KIR3DL1: variants seen among roughly 807,000 people sequenced by gnomAD.
KIR3DL1 encodes killer cell immunoglobulin like receptor, three Ig domains and long cytoplasmic tail 1.
In KIR3DL1, 50 loss-of-function variants were observed where a neutral mutation model predicts 40.3. The observed-to-expected ratio is 1.24, with a 90% CI of 0.99 to 1.57. The LOEUF (loss-of-function observed/expected upper bound fraction) is 1.57, where lower values mean the gene tolerates loss of function less well. Among genes scored for constraint, KIR3DL1 ranks in the 40% most tolerant of loss-of-function variants. KIR3DL1 has a pLI of 0.00. For synonymous variants in KIR3DL1, 257 were observed against 207.2 expected (o/e 1.24, Z -2.07); for missense variants, 661 against 559.9 (o/e 1.18, Z -1.82).
intron 3 of KIR3DL1, among the ~76,000 whole-genome samples, chr19:54,819,025 T>A (rs1601322140): frequency 6.6e-6 from 1 of 150,766 alleles, no homozygotes; most frequent in Non-Finnish European, 1.5e-5. Flanking sequence ...GGAAGACCAC[T>A]AGTCACAGAA....
Position 54,816,908 on chromosome 19 carries a change from T to TTATGGGCCTGCAGTAGAGA in KIR3DL1, c.34+385_34+403dup, listed in dbSNP as rs2061370492. Reference sequence around the variant, plus strand: ...TGGAGATATGGGCCTGGAGGTGGAGTTATGGGCCTGCAGTAGAGATATGGG... The same window carrying TTATGGGCCTGCAGTAGAGA: ...TGGAGATATGGGCCTGGAGGTGGAGTTATGGGCCTGCAGTAGAGATATGGGCCTGCAGTAGAGATATGGG... On this transcript the variant is annotated intron_variant, in intron 1 of 8. Transcript: ENST00000391728. 8.1e-5 allele frequency among the ~76,000 whole-genome samples: 9 copies of TTATGGGCCTGCAGTAGAGA among 110,906 alleles called. No individual in the cohort carries two copies. The Admixed American group carries it at 8.3e-4, about 10-fold the overall frequency. The allele number at this position is 110,906 out of a possible 152,430, so 72.8% of individuals were successfully genotyped here.
rs533601653 is a variant in KIR3DL1, at chr19:54,823,205, T to C, written c.949+1347T>C. Reference sequence around the variant, plus strand: ...GCACGCCACCATGCCTGGCTAATTTTTGTATTTTTTTAGCACAGACGGGAT... The same window carrying C: ...GCACGCCACCATGCCTGGCTAATTTCTGTATTTTTTTAGCACAGACGGGAT... On this transcript the variant is annotated intron_variant, in intron 5 of 8. Transcript: ENST00000391728. 2.6e-4 allele frequency among the ~76,000 whole-genome samples: 39 copies of C among 150,938 alleles called. 2 individuals are homozygous for C. The highest frequency in any genetic ancestry group is 9.1e-4 in the African/African-American group (37 of 40,722).
rs1268076823 is a variant in KIR3DL1, at chr19:54,829,490, G to T, written c.1105+25G>T. ...AGTAAGTCTCACGGGGCACAGGCCA[G>T]AGAGCTCAGGGCCATGTGGGGAAGC... On this transcript the variant is annotated intron_variant, in intron 7 of 8. Coordinates refer to ENST00000391728, the Ensembl canonical transcript of KIR3DL1. 2.1e-6 allele frequency: 3 copies of T among 1,411,468 alleles called. 1 individual carries two copies. The African/African-American group carries it at 4.3e-5, about 20-fold the overall frequency. The allele number at this position is 1,411,468 out of a possible 1,614,324, so 87.4% of individuals were successfully genotyped here.
intron 5 of KIR3DL1, among the ~76,000 whole-genome samples, chr19:54,822,603 G>A (rs2061694315): frequency 6.6e-6 from 1 of 150,686 alleles, no homozygotes; most frequent in African/African-American, 2.5e-5. Flanking sequence ...ACTGCAGCCT[G>A]GGAGACAGAG....
intron 1 of KIR3DL1, 63 bp downstream of exon 1, chr19:54,816,597 A>T: frequency 6.7e-7 from 1 of 1,483,928 alleles, no homozygotes; most frequent in Non-Finnish European, 9.2e-7. Flanking sequence ...CTGGAGGTAA[A>T]GATATGGGCC....
Position 54,829,355 on chromosome 19 carries a change from T to G in KIR3DL1, c.1001-6T>G, listed in dbSNP as rs780228628. On this transcript the variant is annotated splice_region_variant and splice_polypyrimidine_tract_variant and intron_variant, in intron 6 of 8. Transcript: ENST00000391728. ...AGCTTCTTACTGGTGTCTCCTCTTC[T>G]TCCAGGTAACCCCAGACACCTGCAC... 25 of 1,470,456 alleles carry G rather than the reference T, an allele frequency of 1.7e-5. 2 individuals are homozygous for G. The East Asian group carries it at 5.8e-4, about 34-fold the overall frequency. The allele number at this position is 1,470,456 out of a possible 1,614,324, so 91.1% of individuals were successfully genotyped here. A position where few individuals can be genotyped will look rare whatever the true frequency, so the allele number is the denominator to read the frequency against.
intron 1 of KIR3DL1, among the ~76,000 whole-genome samples, chr19:54,816,815 G>GAT (rs2061362997): frequency 1.1e-4 from 14 of 130,788 alleles, no homozygotes; most frequent in South Asian, 2.7e-4. Flanking sequence ...GGGAGATATG[G>GAT]GCCTGGAGGG....
chr19:54,818,437 A>G (rs149123986), exon 3 of KIR3DL1: 243,188 of 1,607,036 alleles, frequency 0.15, 22,762 homozygotes, highest in Non-Finnish European at 0.17. Flanking sequence ...CAAAGAAGAC[A>G]GAATCCACAT....
chr19:54,818,514 A>C (rs2061468581), exon 3 of KIR3DL1: 1 of 1,611,488 alleles, frequency 6.2e-7, no homozygotes, highest in Non-Finnish European at 8.5e-7. Flanking sequence ...CAGCACATGC[A>C]GGGAACTACA....
At chr19:54,816,582 T>C in intron 1 of KIR3DL1, 48 bp downstream of exon 1, 3 of 1,398,802 alleles carry the variant, frequency 2.1e-6, no homozygotes, top group African/African-American at 3.1e-5. Flanking sequence ...GATGGAGATC[T>C]GGACCTGGAG....
At chr19:54,821,447 TGAGA>T (rs765148884) in intron 4 of KIR3DL1, 114 bp from the exon 5 acceptor site, 689 of 1,107,892 alleles carry the variant, frequency 6.2e-4, no homozygotes, top group South Asian at 6.9e-4. Flanking sequence ...GGGTGGAGGG[TGAGA>T]GAGAGAGAGA....
intron 5 of KIR3DL1, 64 bp from the exon 6 acceptor site, chr19:54,824,964 G>T (rs2061807700): frequency 8.7e-7 from 1 of 1,155,784 alleles, no homozygotes; most frequent in South Asian, 1.2e-5. Context: ...CAACCTCAAA[G>T]ATTTCCATTG....
At chr19:54,818,028 A>G (rs1427828637) in intron 2 of KIR3DL1, among the ~76,000 whole-genome samples, 1 of 148,826 alleles carries the variant, frequency 6.7e-6, no homozygotes, top group Non-Finnish European at 1.5e-5. Context: ...CCATTCACAT[A>G]GGACTTGCCC....
chr19:54,817,624 T>C (rs554009579), intron 2 of KIR3DL1, 55 bp downstream of exon 2: 53 of 1,394,968 alleles, frequency 3.8e-5, no homozygotes, highest in Admixed American at 5.6e-5. Context: ...AGGATTTTCC[T>C]GAAATGGGAG....
intron 4 of KIR3DL1, among the ~76,000 whole-genome samples, chr19:54,821,011 A>C (rs921641104): frequency 1.3e-5 from 2 of 150,696 alleles, no homozygotes; most frequent in African/African-American, 2.5e-5. Context: ...AGAGATGACG[A>C]TGATGATGAT....
Position 54,825,825 on chromosome 19 carries a change from C to G in KIR3DL1, c.1000+747C>G, listed in dbSNP as rs1390948657. On this transcript the variant is annotated intron_variant, in intron 6 of 8. Coordinates refer to ENST00000391728, the Ensembl canonical transcript of KIR3DL1. ...CTAAAGGCTCCCAGTTCCTTGGCTC[C>G]TGGTCCCCTTCCTCCTTCCTCAAAG... 1.5e-4 allele frequency among the ~76,000 whole-genome samples: 22 copies of G among 151,048 alleles called. 1 individual carries two copies. Among genetic ancestry groups the G allele is most frequent in the Non-Finnish European group, 1.8e-4 (12 of 67,912 alleles).
At chr19:54,820,189 G>A (rs2061565959) in intron 4 of KIR3DL1, among the ~76,000 whole-genome samples, 177 bp downstream of exon 4, 2 of 151,286 alleles carry the variant, frequency 1.3e-5, no homozygotes, top group Admixed American at 1.3e-4. Context: ...GTACAGAACA[G>A]GTGTCATAAC....
Position 54,827,992 on chromosome 19 carries a change from C to G in KIR3DL1, c.1001-1369C>G, listed in dbSNP as rs912658288. Among the ~76,000 whole-genome samples, 40 of 150,512 alleles carry G rather than the reference C, an allele frequency of 2.7e-4. 3 individuals are homozygous for G. Among genetic ancestry groups the G allele is most frequent in the African/African-American group, 9.9e-4 (40 of 40,306 alleles). Reference sequence around the variant, plus strand: ...TTGGAGTGAGTCCAGATCTTGGAATCAGAGATCAGTGCCAGCACTAGCTCC... The same window carrying G: ...TTGGAGTGAGTCCAGATCTTGGAATGAGAGATCAGTGCCAGCACTAGCTCC... On this transcript the variant is annotated intron_variant, in intron 6 of 8. Transcript: ENST00000391728.
At chr19:54,825,614 C>A (rs1316823941) in intron 6 of KIR3DL1, among the ~76,000 whole-genome samples, 1 of 149,864 alleles carries the variant, frequency 6.7e-6, no homozygotes, top group Non-Finnish European at 1.5e-5. Flanking sequence ...GGAATCCTTT[C>A]CTATTGTTGC....
Sources: allele counts gnomAD v4.1 joint callset (sites outside exome capture counted in the v4.1 genomes callset), GRCh38; gene constraint gnomAD v4.1.1; transcripts MANE v1.5; gene names NCBI Gene and HGNC (gene_info 2026-07-23, HGNC 2026-07-21).